The following DNAJC6 variants were observed in gnomAD, a reference collection of about 807,000 sequenced individuals.
The protein encoded by DNAJC6 is DnaJ heat shock protein family (Hsp40) member C6.
A neutral mutation model predicts 110.0 loss-of-function variants in DNAJC6; 34 were observed. The observed-to-expected ratio is 0.31, with a 90% CI of 0.24 to 0.41. The LOEUF is 0.41. DNAJC6 is among the 10% of genes least tolerant of loss of function. The probability of loss-of-function intolerance (pLI) is 1.00; values close to 1 mark genes in which losing one functional copy is unlikely to be tolerated. For missense variants in DNAJC6, 1,031 were observed against 1,207.8 expected, an observed-to-expected ratio of 0.85 and a Z score of 2.17; for synonymous variants, 406 against 437.2, an observed-to-expected ratio of 0.93 and a Z score of 0.89.
rs753560538 is a variant in DNAJC6, at chr1:65,364,610, G to GTTTTTT, written c.194-22_194-21insTTTTTT. ...TTCTCTGCCATCACCATTTTTGTTT[G>GTTTTTT]TTTGTTTTTTTTTTTTTTTGGCAGG... On this transcript the variant is annotated intron_variant, in intron 1 of 18. Coordinates refer to ENST00000371069, the MANE Select transcript of DNAJC6 (RefSeq NM_001256864.2). The GTTTTTT allele has an allele frequency of 4.2e-5, 60 of 1,441,948 alleles. 6 individuals are homozygous for GTTTTTT. In the East Asian group the frequency reaches 6.2e-4, roughly 15 times the overall value. The allele number at this position is 1,441,948 out of a possible 1,614,324, so 89.3% of individuals were successfully genotyped here.
chr1:65,384,399 T>C, intron 6 of DNAJC6, 73 bp downstream of exon 6: 1 of 1,290,200 alleles, frequency 7.8e-7, no homozygotes, highest in African/African-American at 1.5e-5. Flanking sequence ...AAATCTGCCT[T>C]ACAAATCCTT....
At chr1:65,398,065 T>C (rs1382513471) in intron 13 of DNAJC6, among the ~76,000 whole-genome samples, 1 of 152,190 alleles carries the variant, frequency 6.6e-6, no homozygotes. Flanking sequence ...CCTATATAGA[T>C]TTTATAGATG....
At chr1:65,355,277 A>G (rs1479138509) in intron 1 of DNAJC6, among the ~76,000 whole-genome samples, 2 of 151,900 alleles carry the variant, frequency 1.3e-5, no homozygotes, top group South Asian at 4.1e-4. Context: ...AAAAAAAAAA[A>G]AAAAAAAAAG....
chr1:65,361,504 T>C (rs1429465503), intron 1 of DNAJC6, among the ~76,000 whole-genome samples: 1 of 152,110 alleles, frequency 6.6e-6, no homozygotes, highest in African/African-American at 2.4e-5. Context: ...GAAATATGAT[T>C]GAAAGAACAG....
chr1:65,292,768 C>G (rs1644891700), intron 1 of DNAJC6, among the ~76,000 whole-genome samples: 1 of 152,056 alleles, frequency 6.6e-6, no homozygotes, highest in Non-Finnish European at 1.5e-5. Context: ...TTATTTTACA[C>G]TGTGTTGAGA....
At chr1:65,330,710 G>C (rs556694142) in intron 1 of DNAJC6, among the ~76,000 whole-genome samples, 1 of 152,108 alleles carries the variant, frequency 6.6e-6, no homozygotes, top group African/African-American at 2.4e-5. Context: ...CTCGTGATCC[G>C]CCAGTCTCGG....
At chr1:65,293,091 C>G (rs1644895280) in intron 1 of DNAJC6, among the ~76,000 whole-genome samples, 1 of 152,248 alleles carries the variant, frequency 6.6e-6, no homozygotes, top group African/African-American at 2.4e-5. Flanking sequence ...TACTTCCCCT[C>G]TGCCTCAGTC....
intron 4 of DNAJC6, among the ~76,000 whole-genome samples, chr1:65,366,976 A>G (rs899626513): frequency 2.6e-5 from 4 of 152,202 alleles, no homozygotes; most frequent in Non-Finnish European, 5.9e-5. Context: ...ATGCTGGAAC[A>G]CACTTCGTTC....
chr1:65,310,857 A>C, intron 1 of DNAJC6, among the ~76,000 whole-genome samples: 1 of 152,186 alleles, frequency 6.6e-6, no homozygotes, highest in South Asian at 2.1e-4. Context: ...TGAAGTCCTC[A>C]GTGGTTGGTT....
At chr1:65,309,261 C>A (rs1472251406), upstream of DNAJC6, among the ~76,000 whole-genome samples, 7 of 150,334 alleles carry the variant, frequency 4.7e-5, no homozygotes, top group Non-Finnish European at 1.0e-4. Context: ...CCCCGACCAC[C>A]CCGCCCCGTT....
intron 1 of DNAJC6, among the ~76,000 whole-genome samples, chr1:65,313,217 T>C (rs963747193): frequency 2.0e-5 from 3 of 148,380 alleles, no homozygotes; most frequent in African/African-American, 7.5e-5. Context: ...CATGCCTGGC[T>C]AATTTTTTTT....
Position 65,385,975 on chromosome 1 carries a change from G to A in DNAJC6, c.995+69G>A, listed in dbSNP as rs908665480. On this transcript the variant is annotated intron_variant, in intron 7 of 18. Transcript: ENST00000371069. ...TCATGTAAATGAGCAGGAATGAGTT[G>A]AATCATATTCTTCCTGCAAGACTAT... 2.2e-6 allele frequency: 3 copies of A among 1,383,500 alleles called. No individual in the cohort carries two copies. The South Asian group carries it at 4.7e-5, about 22-fold the overall frequency. The allele number at this position is 1,383,500 out of a possible 1,614,324, so 85.7% of individuals were successfully genotyped here.
chr1:65,401,672 G>C (rs549837404), intron 14 of DNAJC6, 89 bp from the exon 15 acceptor site: 1 of 1,532,106 alleles, frequency 6.5e-7, no homozygotes, highest in East Asian at 2.3e-5. Flanking sequence ...TTGCCTAGGA[G>C]ACAAATAAAC....
intron 1 of DNAJC6, among the ~76,000 whole-genome samples, chr1:65,299,542 A>T (rs1644958130): frequency 6.6e-6 from 1 of 152,246 alleles, no homozygotes; most frequent in African/African-American, 2.4e-5. Context: ...ATGTTGAAGG[A>T]CAATGACAAA....
At chr1:65,353,931 C>G (rs1645516234) in intron 1 of DNAJC6, among the ~76,000 whole-genome samples, 1 of 152,116 alleles carries the variant, frequency 6.6e-6, no homozygotes, top group African/African-American at 2.4e-5. Flanking sequence ...AAGCAAAGAC[C>G]AGATCACTGC....
intron 1 of DNAJC6, among the ~76,000 whole-genome samples, chr1:65,346,115 A>G (rs1180224430): frequency 2.0e-5 from 3 of 152,124 alleles, no homozygotes; most frequent in Non-Finnish European, 4.4e-5. Flanking sequence ...TAGCATTTAG[A>G]AGTGTCCTCA....
At chr1:65,333,230 A>T (rs1359534) in intron 1 of DNAJC6, among the ~76,000 whole-genome samples, 18,445 of 152,180 alleles carry the variant, frequency 0.12, 1,486 homozygotes, top group East Asian at 0.27. Context: ...CTTATTACTC[A>T]TCTGGGCTCA....
intron 1 of DNAJC6, among the ~76,000 whole-genome samples, chr1:65,315,531 A>G (rs1343850785): frequency 1.3e-5 from 2 of 152,210 alleles, no homozygotes; most frequent in Non-Finnish European, 2.9e-5. Context: ...ATGTATGTGT[A>G]TACCATTAGA....
chr1:65,404,246 A>G (rs1646055270), intron 15 of DNAJC6, among the ~76,000 whole-genome samples: 1 of 152,218 alleles, frequency 6.6e-6, no homozygotes, highest in Non-Finnish European at 1.5e-5. Context: ...AGCCCTGAAG[A>G]TGTACCAGGC....
Sources: allele counts gnomAD v4.1 joint callset (sites outside exome capture counted in the v4.1 genomes callset), GRCh38; gene constraint gnomAD v4.1.1; transcripts MANE v1.5; gene names NCBI Gene and HGNC (gene_info 2026-07-23, HGNC 2026-07-21).